XPO5: variants seen among roughly 807,000 people sequenced by gnomAD.
The protein encoded by XPO5 is exportin 5.
In XPO5, 46 loss-of-function variants were observed where a neutral mutation model predicts 160.6. The observed-to-expected ratio is 0.29, with a 90% CI of 0.23 to 0.37. The LOEUF (loss-of-function observed/expected upper bound fraction) is 0.37. Ranked by LOEUF, XPO5 falls within the 10% of genes least tolerant of loss-of-function variation. The pLI is 1.00. For missense variants in XPO5, 1,090 were observed against 1,463.9 expected (o/e 0.74, Z 4.17); for synonymous variants, 537 against 519.3 (o/e 1.03, Z -0.46).
At chr6:43,530,954 A>G in intron 22 of XPO5, 130 bp from the exon 23 acceptor site, 1 of 1,208,958 alleles carries the variant, frequency 8.3e-7, no homozygotes, top group Non-Finnish European at 1.1e-6. Flanking sequence ...TATTTACTTA[A>G]GAGAACTTAT....
chr6:43,524,227 C>T (rs1345863679), intron 31 of XPO5, among the ~76,000 whole-genome samples: 2 of 152,026 alleles, frequency 1.3e-5, no homozygotes, highest in African/African-American at 4.8e-5. Context: ...TGGTGCATGC[C>T]TGTAATCCCA....
chr6:43,558,411 G>A lies in XPO5; in HGVS notation c.1312+90C>T, dbSNP rs1762226168. On this transcript the variant is annotated intron_variant, in intron 12 of 31. Coordinates refer to ENST00000265351, the MANE Select transcript of XPO5 (RefSeq NM_020750.3). ...TGCTATCCAGATTTGGGGATCTTTC[G>A]TAAAAACCCCAAACACCATGCACCA... The A allele has an allele frequency of 4.9e-6, 6 of 1,226,652 alleles. No individual in the cohort carries two copies. In the East Asian group the frequency reaches 1.1e-4, roughly 22 times the overall value. The allele number at this position is 1,226,652 out of a possible 1,614,324, so 76.0% of individuals were successfully genotyped here.
intron 1 of XPO5, 59 bp downstream of exon 1, chr6:43,575,701 A>C: frequency 6.7e-7 from 1 of 1,490,766 alleles, no homozygotes; most frequent in South Asian, 1.2e-5. Flanking sequence ...GCGGCGCCGG[A>C]GCTGCTGGGG....
intron 17 of XPO5, 90 bp downstream of exon 17, chr6:43,549,399 G>T: frequency 7.6e-7 from 1 of 1,313,488 alleles, no homozygotes; most frequent in Non-Finnish European, 1.0e-6. Context: ...ATAGTTTCTA[G>T]TTTTTTCTTT....
intron 1 of XPO5, among the ~76,000 whole-genome samples, chr6:43,573,970 C>T (rs1045824381): frequency 6.6e-6 from 1 of 151,638 alleles, no homozygotes; most frequent in Non-Finnish European, 1.5e-5. Flanking sequence ...GCTGGGACTA[C>T]AAGTGCACGC....
chr6:43,575,286 G>A (rs374449279), intron 1 of XPO5, among the ~76,000 whole-genome samples: 4 of 152,322 alleles, frequency 2.6e-5, no homozygotes, highest in African/African-American at 7.2e-5. Context: ...ATAAGCATAA[G>A]GGTACCAGAG....
chr6:43,553,257 G>A (rs1795337239), intron 14 of XPO5, 116 bp downstream of exon 14: 2 of 1,300,656 alleles, frequency 1.5e-6, no homozygotes, highest in Non-Finnish European at 2.1e-6. Flanking sequence ...AGCTATGATT[G>A]TGCCACTGCA....
chr6:43,531,441 G>C, intron 22 of XPO5, 38 bp downstream of exon 22: 1 of 1,570,822 alleles, frequency 6.4e-7, no homozygotes. Flanking sequence ...AATACATATC[G>C]AGGAAGAAAA....
chr6:43,539,517 C>T (rs1362678276), intron 20 of XPO5: 42 of 1,532,600 alleles, frequency 2.7e-5, no homozygotes, highest in South Asian at 4.5e-5. Flanking sequence ...AGCTTGGTGA[C>T]GGGCATCCAC....
chr6:43,562,187 G>C (rs1762452469), intron 9 of XPO5, 60 bp downstream of exon 9: 4 of 1,402,864 alleles, frequency 2.9e-6, no homozygotes, highest in Non-Finnish European at 3.9e-6. Context: ...TGAAACATAA[G>C]TTTCTAAATG....
intron 5 of XPO5, among the ~76,000 whole-genome samples, chr6:43,569,353 G>A (rs947308034): frequency 6.0e-5 from 9 of 151,136 alleles, no homozygotes; most frequent in African/African-American, 1.9e-4. Flanking sequence ...CATCAGAATA[G>A]TGGCTATTCA....
At chr6:43,539,089 G>C in intron 20 of XPO5, 1 of 1,336,426 alleles carries the variant, frequency 7.5e-7, no homozygotes, top group Non-Finnish European at 1.1e-6. Flanking sequence ...CAGGTGCGGA[G>C]ACAATGCCAG....
intron 26 of XPO5, 158 bp downstream of exon 26, chr6:43,527,476 G>C (rs1485059789): frequency 9.0e-6 from 6 of 663,234 alleles, no homozygotes; most frequent in Non-Finnish European, 1.0e-5. Flanking sequence ...GTTTCACCAT[G>C]TTGGCCAGGA....
intron 16 of XPO5, 79 bp from the exon 17 acceptor site, chr6:43,549,657 C>T: frequency 1.4e-6 from 2 of 1,473,936 alleles, no homozygotes; most frequent in South Asian, 2.5e-5. Context: ...GTGAATATCT[C>T]AGTCAGGGGC....
At chr6:43,573,825 T>TATATATATATA (rs1561889363) in intron 1 of XPO5, among the ~76,000 whole-genome samples, 16 of 85,240 alleles carry the variant, frequency 1.9e-4, no homozygotes, top group African/African-American at 8.9e-4. Context: ...ATATATATAT[T>TATATATATATA]TTTTTTTTTT....
chr6:43,537,104 C>G (rs1310955906), intron 20 of XPO5, among the ~76,000 whole-genome samples: 1 of 151,210 alleles, frequency 6.6e-6, no homozygotes. Context: ...GTAGCTGGGA[C>G]TATAAGTGTG....
intron 1 of XPO5, 127 bp downstream of exon 1, chr6:43,575,633 G>C (rs79822008): frequency 3.9e-6 from 3 of 778,562 alleles, no homozygotes; most frequent in South Asian, 3.5e-5. Flanking sequence ...GGAAGGTCCC[G>C]GGGAGTTGGG....
chr6:43,556,079 C>T, intron 12 of XPO5, 115 bp from the exon 13 acceptor site: 1 of 1,385,284 alleles, frequency 7.2e-7, no homozygotes, highest in Non-Finnish European at 9.7e-7. Context: ...AACTGTTTTG[C>T]AGACTTGTGC....
At chr6:43,539,033 G>C in intron 20 of XPO5, 1 of 1,546,228 alleles carries the variant, frequency 6.5e-7, no homozygotes, top group Non-Finnish European at 8.8e-7. Flanking sequence ...CTGGGCTGAG[G>C]TGTAGCAGTC....
Sources: allele counts gnomAD v4.1 joint callset (sites outside exome capture counted in the v4.1 genomes callset), GRCh38; gene constraint gnomAD v4.1.1; transcripts MANE v1.5; gene names NCBI Gene and HGNC (gene_info 2026-07-23, HGNC 2026-07-21).